NBEA: variants seen among roughly 807,000 people sequenced by gnomAD.
NBEA encodes neurobeachin.
Under a neutral mutation model 343.4 loss-of-function variants are expected in NBEA, and 44 were observed. That is an observed-to-expected ratio of 0.13 (90% CI 0.10 to 0.16). The LOEUF (loss-of-function observed/expected upper bound fraction) is 0.16. NBEA is among the 10% of genes least tolerant of loss of function. The pLI is 1.00. For synonymous variants in NBEA, 1,175 were observed against 1,238.7 expected, an observed-to-expected ratio of 0.95 and a Z score of 1.08; for missense variants, 2,555 against 3,631.3, an observed-to-expected ratio of 0.70 and a Z score of 7.62.
chr13:35,404,284 C>T (rs1048479465), intron 38 of NBEA, among the ~76,000 whole-genome samples: 71 of 152,092 alleles, frequency 4.7e-4, no homozygotes, highest in African/African-American at 1.7e-3. Flanking sequence ...AATCATGTTG[C>T]TATAAAGACA....
chr13:35,125,032 G>A (rs770519971), intron 17 of NBEA, among the ~76,000 whole-genome samples: 6 of 152,028 alleles, frequency 3.9e-5, no homozygotes, highest in African/African-American at 1.2e-4. Flanking sequence ...AAAAATTTAC[G>A]AAAAGATGAA....
chr13:34,975,778 A>C (rs1303174307), intron 1 of NBEA, among the ~76,000 whole-genome samples: 4 of 152,166 alleles, frequency 2.6e-5, no homozygotes, highest in Non-Finnish European at 5.9e-5. Flanking sequence ...TGAATAGGTA[A>C]TTCTCAAAAG....
intron 35 of NBEA, among the ~76,000 whole-genome samples, chr13:35,304,283 G>A (rs911305145): frequency 6.6e-6 from 1 of 151,996 alleles, no homozygotes; most frequent in East Asian, 1.9e-4. Flanking sequence ...GTATTATATT[G>A]TCATTGAACA....
At chr13:35,325,258 T>TTA (rs2038460690) in intron 36 of NBEA, among the ~76,000 whole-genome samples, 1 of 152,168 alleles carries the variant, frequency 6.6e-6, no homozygotes, top group East Asian at 1.9e-4. Context: ...GGACTTAACT[T>TTA]ACTAAAGAAC....
chr13:35,405,084 T>C (rs2043205359), intron 38 of NBEA, among the ~76,000 whole-genome samples: 1 of 152,188 alleles, frequency 6.6e-6, no homozygotes, highest in African/African-American at 2.4e-5. Context: ...GTCATTTCAG[T>C]AAGTATTGCA....
At chr13:35,585,007 C>CGG (rs1566364770) in intron 46 of NBEA, among the ~76,000 whole-genome samples, 2 of 151,132 alleles carry the variant, frequency 1.3e-5, no homozygotes, top group East Asian at 3.9e-4. Context: ...TGCTCTCCCC[C>CGG]CCTCCCTCAT....
At chr13:35,637,039 T>C (rs2083720308) in intron 49 of NBEA, among the ~76,000 whole-genome samples, 1 of 152,230 alleles carries the variant, frequency 6.6e-6, no homozygotes, top group African/African-American at 2.4e-5. Flanking sequence ...TTTTTGGTCA[T>C]TCCTACCCCA....
chr13:35,143,842 C>T (rs757265999), intron 18 of NBEA, among the ~76,000 whole-genome samples: 11 of 150,774 alleles, frequency 7.3e-5, no homozygotes, highest in South Asian at 4.2e-4. Flanking sequence ...GAGCTGAGAT[C>T]GCGCCACTGC....
intron 48 of NBEA, among the ~76,000 whole-genome samples, chr13:35,623,677 G>T (rs771786816): frequency 6.6e-6 from 1 of 151,952 alleles, no homozygotes; most frequent in East Asian, 1.9e-4. Flanking sequence ...GCATCTATGA[G>T]CTAATAAATC....
At chr13:35,138,156 A>G (rs1276043941) in intron 17 of NBEA, among the ~76,000 whole-genome samples, 1 of 152,156 alleles carries the variant, frequency 6.6e-6, no homozygotes, top group Non-Finnish European at 1.5e-5. Context: ...TGAAAATAAG[A>G]TCTACTTTTT....
At chr13:35,241,847 A>C (rs2030346887) in intron 34 of NBEA, among the ~76,000 whole-genome samples, 1 of 151,870 alleles carries the variant, frequency 6.6e-6, no homozygotes, top group South Asian at 2.1e-4. Context: ...CACCCTCCTC[A>C]ACACAGTGCA....
chr13:35,667,768 A>T (rs376230472), intron 57 of NBEA, among the ~76,000 whole-genome samples, 198 bp downstream of exon 57: 2 of 152,246 alleles, frequency 1.3e-5, no homozygotes, highest in Admixed American at 6.5e-5. Context: ...AACTCACTGC[A>T]TTAGACTTCA....
At chr13:35,251,167 G>A in intron 34 of NBEA, 1 of 254,762 alleles carries the variant, frequency 3.9e-6, no homozygotes, top group Admixed American at 4.2e-5. Context: ...TCTGTGGAGT[G>A]TGGGACATTG....
At chr13:35,616,007 GTCC>G (rs2082723706) in intron 48 of NBEA, among the ~76,000 whole-genome samples, 2 of 152,154 alleles carry the variant, frequency 1.3e-5, no homozygotes, top group African/African-American at 4.8e-5. Context: ...GAGGAAGTGT[GTCC>G]TCCTTCAATT....
chr13:35,429,902 C>G (rs1197759670), intron 38 of NBEA, among the ~76,000 whole-genome samples: 3 of 150,846 alleles, frequency 2.0e-5, no homozygotes, highest in African/African-American at 7.3e-5. Flanking sequence ...TTTGCAATTG[C>G]AAATTGTGCT....
chr13:35,395,504 AG>A (rs2042702217), intron 38 of NBEA, among the ~76,000 whole-genome samples: 1 of 152,140 alleles, frequency 6.6e-6, no homozygotes, highest in Non-Finnish European at 1.5e-5. Context: ...CAGAACTGTG[AG>A]CTACTTAAAC....
At chr13:35,497,790 A>G (rs1235920705) in intron 41 of NBEA, among the ~76,000 whole-genome samples, 1 of 152,102 alleles carries the variant, frequency 6.6e-6, no homozygotes, top group African/African-American at 2.4e-5. Context: ...TTAATATTAT[A>G]TAACCAAATA....
At chr13:35,504,160 G>C (rs899531977) in intron 41 of NBEA, among the ~76,000 whole-genome samples, 3 of 152,074 alleles carry the variant, frequency 2.0e-5, no homozygotes, top group African/African-American at 7.2e-5. Flanking sequence ...GAAACATTTT[G>C]GATTTTAAAA....
chr13:35,216,439 T>C (rs1334947140), intron 33 of NBEA, among the ~76,000 whole-genome samples: 4 of 151,988 alleles, frequency 2.6e-5, no homozygotes, highest in Admixed American at 2.6e-4. Context: ...AAGCTTAAAA[T>C]ATTTACTGTC....
Sources: gnomAD v4.1 joint callset for allele counts (sites outside exome capture counted in the v4.1 genomes callset) on GRCh38, gnomAD v4.1.1 for gene constraint, MANE v1.5 for transcripts, NCBI Gene and HGNC (gene_info 2026-07-23, HGNC 2026-07-21) for gene names.